Variants in SGCZ observed in about 807,000 individuals in gnomAD.
The protein encoded by SGCZ is sarcoglycan zeta.
SGCZ carries 40 observed loss-of-function variants against 41.3 expected under a neutral mutation model. The observed-to-expected ratio is 0.97, with a 90% confidence interval of 0.75 to 1.26. The LOEUF is 1.26. Among genes scored for constraint, SGCZ ranks in the 50% most tolerant of loss-of-function variants. The probability of loss-of-function intolerance (pLI) is 0.00; values close to 1 mark genes in which losing one functional copy is unlikely to be tolerated. For missense variants in SGCZ, 552 were observed against 369.8 expected (o/e 1.49, Z -4.04); for synonymous variants, 206 against 137.5 (o/e 1.50, Z -3.49).
chr8:14,581,164 G>C (rs745857946), intron 1 of SGCZ, among the ~76,000 whole-genome samples: 17 of 152,130 alleles, frequency 1.1e-4, no homozygotes, highest in Non-Finnish European at 2.1e-4. Flanking sequence ...CTGCAGTGCA[G>C]TGGTGCGATC....
At chr8:14,732,478 C>T (rs936315185) in intron 1 of SGCZ, among the ~76,000 whole-genome samples, 8 of 152,114 alleles carry the variant, frequency 5.3e-5, no homozygotes. Context: ...TTCAAAATGA[C>T]CTCAAGTTCT....
chr8:14,313,373 G>A (rs889175328), intron 3 of SGCZ, among the ~76,000 whole-genome samples: 28 of 152,136 alleles, frequency 1.8e-4, no homozygotes, highest in Admixed American at 7.9e-4. Flanking sequence ...GATCACAGTT[G>A]CGCCATCTCG....
chr8:15,037,435 G>T (rs1416068537), intron 1 of SGCZ, among the ~76,000 whole-genome samples: 1 of 152,096 alleles, frequency 6.6e-6, no homozygotes, highest in African/African-American at 2.4e-5. Context: ...CTTCTTTCAT[G>T]TATAAATTAC....
chr8:15,106,119 T>C (rs1457508197), intron 1 of SGCZ, among the ~76,000 whole-genome samples: 1 of 152,188 alleles, frequency 6.6e-6, no homozygotes, highest in Admixed American at 6.5e-5. Context: ...TACCCTTCTT[T>C]TAAAAATATT....
chr8:14,989,070 A>G (rs1433543978), intron 1 of SGCZ, among the ~76,000 whole-genome samples: 1 of 152,162 alleles, frequency 6.6e-6, no homozygotes, highest in Non-Finnish European at 1.5e-5. Flanking sequence ...TCAAGTTTGC[A>G]CTGTAAACAC....
intron 1 of SGCZ, among the ~76,000 whole-genome samples, chr8:14,676,637 G>C (rs548326281): frequency 6.6e-6 from 1 of 152,128 alleles, no homozygotes; most frequent in Non-Finnish European, 1.5e-5. Context: ...CACGATGTGT[G>C]GCATTAGAAA....
At chr8:14,814,673 G>T (rs982532679) in intron 1 of SGCZ, among the ~76,000 whole-genome samples, 1 of 152,126 alleles carries the variant, frequency 6.6e-6, no homozygotes, top group Non-Finnish European at 1.5e-5. Flanking sequence ...TTGCCAGCTC[G>T]GCAGGTAGGA....
intron 4 of SGCZ, among the ~76,000 whole-genome samples, chr8:14,167,728 C>T (rs1804251462): frequency 6.6e-6 from 1 of 152,082 alleles, no homozygotes; most frequent in Admixed American, 6.6e-5. Context: ...CCACCATCAC[C>T]AAGGACAAGC....
chr8:15,205,804 C>G (rs1162815425), intron 1 of SGCZ, among the ~76,000 whole-genome samples: 1 of 152,136 alleles, frequency 6.6e-6, no homozygotes, highest in Non-Finnish European at 1.5e-5. Context: ...CATAAAGACA[C>G]ATGCACACAA....
intron 2 of SGCZ, among the ~76,000 whole-genome samples, chr8:14,524,880 T>C (rs1802893107): frequency 6.6e-6 from 1 of 152,146 alleles, no homozygotes; most frequent in African/African-American, 2.4e-5. Context: ...AATATAATTC[T>C]GACATGTTTG....
At chr8:14,601,934 C>A (rs1258878442) in intron 1 of SGCZ, among the ~76,000 whole-genome samples, 2 of 151,978 alleles carry the variant, frequency 1.3e-5, no homozygotes, top group Non-Finnish European at 2.9e-5. Flanking sequence ...TCCGGGCTAA[C>A]ACGGTGAAAC....
At chr8:14,556,178 GA>G (rs1320917178) in intron 1 of SGCZ, among the ~76,000 whole-genome samples, 1 of 151,728 alleles carries the variant, frequency 6.6e-6, no homozygotes. Flanking sequence ...TTTATTACCA[GA>G]AGGATGGAAA....
At position 14,847,844 on chromosome 8, in the gene SGCZ, A is replaced by G. The variant is rs556482800; in HGVS notation, c.40-292918T>C. ...TTCTCTCTAATATCACAAGTAAGTCAAGCTGTCTGCTCCCACCATCTCTAG... is the reference window on the plus strand; with the variant it reads ...TTCTCTCTAATATCACAAGTAAGTCGAGCTGTCTGCTCCCACCATCTCTAG... On this transcript the variant is annotated intron_variant, in intron 1 of 7. Coordinates refer to ENST00000382080, the MANE Select transcript of SGCZ (RefSeq NM_139167.4). Among the ~76,000 whole-genome samples, 601 of 151,832 alleles carry G rather than the reference A, an allele frequency of 4.0e-3. 8 individuals carry two copies. Among genetic ancestry groups the G allele is most frequent in the African/African-American group, 0.013 (555 of 41,428 alleles).
At chr8:14,217,858 T>G (rs552012491) in intron 4 of SGCZ, among the ~76,000 whole-genome samples, 1 of 152,102 alleles carries the variant, frequency 6.6e-6, no homozygotes, top group South Asian at 2.1e-4. Context: ...CTTGAACTCC[T>G]GACTTCAAGT....
intron 1 of SGCZ, among the ~76,000 whole-genome samples, chr8:14,751,412 T>C (rs1799493829): frequency 6.6e-6 from 1 of 152,194 alleles, no homozygotes; most frequent in Non-Finnish European, 1.5e-5. Context: ...TGACATCTTA[T>C]CTACCTTCTG....
chr8:14,205,720 C>T (rs955106767), intron 4 of SGCZ, among the ~76,000 whole-genome samples: 3 of 152,030 alleles, frequency 2.0e-5, no homozygotes, highest in Admixed American at 2.0e-4. Flanking sequence ...GTTGTAGACA[C>T]CAGCTTAATG....
intron 1 of SGCZ, among the ~76,000 whole-genome samples, chr8:15,224,174 G>C (rs1382564119): frequency 6.6e-6 from 1 of 152,078 alleles, no homozygotes; most frequent in Non-Finnish European, 1.5e-5. Context: ...TCTTTAAAAA[G>C]ACAGTATGGT....
chr8:15,158,265 C>T (rs1279972100), intron 1 of SGCZ, among the ~76,000 whole-genome samples: 1 of 152,082 alleles, frequency 6.6e-6, no homozygotes, highest in Non-Finnish European at 1.5e-5. Context: ...TGTTTATCCT[C>T]CGTTATCCAT....
intron 5 of SGCZ, among the ~76,000 whole-genome samples, chr8:14,131,579 T>G (rs957316492): frequency 1.3e-5 from 2 of 152,216 alleles, no homozygotes; most frequent in African/African-American, 4.8e-5. Context: ...TCTTTGTTTT[T>G]GCCAGCTTGA....
Sources: gnomAD v4.1 joint callset for allele counts (sites outside exome capture counted in the v4.1 genomes callset) on GRCh38, gnomAD v4.1.1 for gene constraint, MANE v1.5 for transcripts, NCBI Gene and HGNC (gene_info 2026-07-23, HGNC 2026-07-21) for gene names.